Variants in KIAA1217 observed in about 807,000 individuals in gnomAD.
KIAA1217 encodes the protein sickle tail protein homolog.
In KIAA1217, 88 loss-of-function variants were observed where a neutral mutation model predicts 163.9. The observed-to-expected ratio is 0.54, with a 90% CI of 0.45 to 0.64. KIAA1217 has a LOEUF of 0.64. Among genes scored for constraint, KIAA1217 ranks in the 30% least tolerant of loss-of-function variants. KIAA1217 has a pLI of 0.00. For synonymous variants in KIAA1217, 903 were observed against 923.1 expected, an observed-to-expected ratio of 0.98 and a Z score of 0.39; for missense variants, 2,372 against 2,475.0, an observed-to-expected ratio of 0.96 and a Z score of 0.88.
At chr10:24,520,689 A>ACAC (rs763777354) in intron 11 of KIAA1217, among the ~76,000 whole-genome samples, 45 of 103,150 alleles carry the variant, frequency 4.4e-4, no homozygotes, top group East Asian at 3.7e-3. Context: ...CACACACACA[A>ACAC]AAAAAAATTA....
At chr10:24,254,803 C>G (rs914049945) in intron 2 of KIAA1217, among the ~76,000 whole-genome samples, 3 of 152,000 alleles carry the variant, frequency 2.0e-5, no homozygotes, top group African/African-American at 7.3e-5. Flanking sequence ...CATTAACTGC[C>G]CATTGGATAC....
At chr10:24,032,620 G>A (rs1157871160) in intron 2 of KIAA1217, among the ~76,000 whole-genome samples, 1 of 152,116 alleles carries the variant, frequency 6.6e-6, no homozygotes, top group Non-Finnish European at 1.5e-5. Context: ...CAGGAGCCTC[G>A]CTTGCATTTC....
intron 2 of KIAA1217, among the ~76,000 whole-genome samples, chr10:24,077,620 T>C (rs551060451): frequency 2.0e-5 from 3 of 152,358 alleles, no homozygotes; most frequent in Admixed American, 6.5e-5. Flanking sequence ...TTTGCTATTA[T>C]GAATAGTGCT....
intron 2 of KIAA1217, among the ~76,000 whole-genome samples, chr10:24,162,917 C>T (rs1389297317): frequency 6.6e-6 from 1 of 152,206 alleles, no homozygotes; most frequent in African/African-American, 2.4e-5. Flanking sequence ...AATTTCATGA[C>T]ATAGCAGCTA....
In KIAA1217 at chr10:24,511,774, A is replaced by G. The variant is rs146225612; in HGVS notation, c.2002-1485A>G. On this transcript the variant is annotated intron_variant, in intron 9 of 20. Coordinates refer to ENST00000376454, the MANE Select transcript of KIAA1217 (RefSeq NM_019590.5). ...GCATGATCATGAGTCCTGTAGAGAA[A>G]GTAACCAAAAGTGATACATTTCTAT... Among the ~76,000 whole-genome samples, 305 of 152,348 alleles carry G rather than the reference A, an allele frequency of 2.0e-3. 1 individual carries two copies. Among genetic ancestry groups the G allele is most frequent in the African/African-American group, 7.1e-3 (295 of 41,566 alleles).
chr10:24,168,023 T>G (rs1372809855), intron 2 of KIAA1217, among the ~76,000 whole-genome samples: 1 of 151,934 alleles, frequency 6.6e-6, no homozygotes, highest in Non-Finnish European at 1.5e-5. Flanking sequence ...CACCCAACAG[T>G]TTTGCACTGG....
At chr10:24,515,506 G>A (rs1012895638) in intron 10 of KIAA1217, among the ~76,000 whole-genome samples, 2 of 152,202 alleles carry the variant, frequency 1.3e-5, no homozygotes, top group Non-Finnish European at 2.9e-5. Flanking sequence ...AAAAGGTAGT[G>A]GAACGAACAT....
chr10:24,040,503 G>A (rs1004816310), intron 2 of KIAA1217, among the ~76,000 whole-genome samples: 1 of 152,206 alleles, frequency 6.6e-6, no homozygotes, highest in African/African-American at 2.4e-5. Flanking sequence ...TGAAAGCATG[G>A]ACTTTCTTAT....
At chr10:23,793,094 C>T (rs535108044) in intron 1 of KIAA1217, among the ~76,000 whole-genome samples, 1 of 152,076 alleles carries the variant, frequency 6.6e-6, no homozygotes, top group African/African-American at 2.4e-5. Context: ...TGCTCCAGAC[C>T]GTGTCACAGA....
chr10:23,934,625 A>ATATATTT (rs1554826424), intron 1 of KIAA1217, among the ~76,000 whole-genome samples: 1 of 68,550 alleles, frequency 1.5e-5, no homozygotes, highest in Non-Finnish European at 2.6e-5. Context: ...ATATATATAT[A>ATATATTT]TTTTTTTTTT....
At position 23,818,009 on chromosome 10, in the gene KIAA1217, A is replaced by ACG. The variant is rs1491336561; in HGVS notation, c.-321+122776_-321+122777insGC. On this transcript the variant is annotated intron_variant, in intron 1 of 18. Coordinates refer to the KIAA1217 transcript ENST00000376462. Reference sequence around the variant, plus strand: ...TATATATATATATATATATATATATACACACATATATATACACACATATAT... The same window carrying ACG: ...TATATATATATATATATATATATATACGCACACATATATATACACACATATAT... Among the ~76,000 whole-genome samples the ACG allele has an allele frequency of 4.9e-3, 518 of 106,046 alleles. 21 individuals carry two copies. Among genetic ancestry groups the ACG allele is most frequent in the African/African-American group, 0.022 (499 of 23,176 alleles). 69.6% of individuals were successfully genotyped at this position (106,046 alleles called of 152,430 possible).
intron 2 of KIAA1217, among the ~76,000 whole-genome samples, chr10:24,163,255 G>T (rs555376804): frequency 1.3e-5 from 2 of 152,304 alleles, no homozygotes; most frequent in East Asian, 1.9e-4. Context: ...AAGAGATTTT[G>T]ATTCAAGTTC....
chr10:24,515,078 T>G (rs951410547), intron 10 of KIAA1217, among the ~76,000 whole-genome samples: 1 of 151,666 alleles, frequency 6.6e-6, no homozygotes, highest in Non-Finnish European at 1.5e-5. Context: ...TGAAAAAAAA[T>G]TTTTTTGAGT....
chr10:24,307,894 T>C (rs932087907), intron 2 of KIAA1217, among the ~76,000 whole-genome samples: 1 of 152,152 alleles, frequency 6.6e-6, no homozygotes, highest in Admixed American at 6.5e-5. Flanking sequence ...GCTGCCAAAA[T>C]AACTGCTGAG....
intron 2 of KIAA1217, among the ~76,000 whole-genome samples, chr10:24,362,537 G>A (rs557204901): frequency 1.6e-4 from 25 of 152,302 alleles, no homozygotes; most frequent in African/African-American, 5.3e-4. Context: ...ATGGCTCAGT[G>A]ATTTGCTGTG....
chr10:23,924,444 C>G (rs1842951871), intron 1 of KIAA1217, among the ~76,000 whole-genome samples: 1 of 152,060 alleles, frequency 6.6e-6, no homozygotes, highest in African/African-American at 2.4e-5. Flanking sequence ...TTTTAAATGC[C>G]TCTATAGTGT....
intron 1 of KIAA1217, among the ~76,000 whole-genome samples, chr10:23,755,013 C>A (rs1354870118): frequency 1.3e-5 from 2 of 151,304 alleles, no homozygotes; most frequent in Admixed American, 6.6e-5. Context: ...TAATTAAATA[C>A]AAACCGAATT....
At chr10:24,140,017 T>TC (rs199772896) in intron 2 of KIAA1217, among the ~76,000 whole-genome samples, 1 of 150,044 alleles carries the variant, frequency 6.7e-6, no homozygotes, top group Non-Finnish European at 1.5e-5. Flanking sequence ...TTTTTTTTTT[T>TC]CCCCCTTATC....
chr10:24,480,678 C>T (rs1023273695), intron 6 of KIAA1217, among the ~76,000 whole-genome samples: 8 of 152,128 alleles, frequency 5.3e-5, no homozygotes, highest in Admixed American at 4.6e-4. Context: ...CTACTAAGTG[C>T]TACTAAAGAG....
Sources: gnomAD v4.1 joint callset for allele counts (sites outside exome capture counted in the v4.1 genomes callset) on GRCh38, gnomAD v4.1.1 for gene constraint, MANE v1.5 for transcripts, NCBI Gene and HGNC (gene_info 2026-07-23, HGNC 2026-07-21) for gene names.